MBP: variants seen among roughly 807,000 people sequenced by gnomAD.
The protein encoded by MBP is myelin basic protein.
MBP carries 16 observed loss-of-function variants against 35.8 expected under a neutral mutation model. That is an observed-to-expected ratio of 0.45 (90% CI 0.30 to 0.68). The LOEUF (loss-of-function observed/expected upper bound fraction) is 0.68. MBP is among the 30% of genes least tolerant of loss of function. The probability of loss-of-function intolerance (pLI) is 0.08; values close to 1 mark genes in which losing one functional copy is unlikely to be tolerated. For missense variants in MBP, 380 were observed against 404.7 expected, an observed-to-expected ratio of 0.94 and a Z score of 0.52; for synonymous variants, 143 against 159.6, an observed-to-expected ratio of 0.90 and a Z score of 0.78.
At chr18:77,093,986 T>C (rs1975649930) in intron 2 of MBP, among the ~76,000 whole-genome samples, 1 of 148,666 alleles carries the variant, frequency 6.7e-6, no homozygotes, top group South Asian at 2.1e-4. Flanking sequence ...TTCTTCTTTT[T>C]TTTTTTTTGA....
At chr18:77,106,631 A>T (rs1976287665) in intron 1 of MBP, among the ~76,000 whole-genome samples, 1 of 152,206 alleles carries the variant, frequency 6.6e-6, no homozygotes, top group African/African-American at 2.4e-5. Context: ...CAAGCAACTT[A>T]GGTCAAAGTG....
chr18:77,008,285 A>G (rs1403450041), intron 4 of MBP, among the ~76,000 whole-genome samples: 2 of 152,030 alleles, frequency 1.3e-5, no homozygotes, highest in Admixed American at 6.5e-5. Flanking sequence ...GGGCTGGTGC[A>G]TGCAGCCCCA....
At chr18:77,085,459 G>C (rs756357296) in intron 2 of MBP, among the ~76,000 whole-genome samples, 63 of 152,292 alleles carry the variant, frequency 4.1e-4, no homozygotes, top group Non-Finnish European at 7.1e-4. Context: ...CTATCTCACA[G>C]GGTCACTGTG....
At position 77,021,482 on chromosome 18, in the gene MBP, CTTT is replaced by C. The variant is rs140602815; in HGVS notation, c.140-4217_140-4215del. Among the ~76,000 whole-genome samples the C allele has an allele frequency of 1.0e-3, 123 of 122,088 alleles. No homozygotes were observed. The Middle Eastern group carries it at 0.019, about 18-fold the overall frequency. The allele number at this position is 122,088 out of a possible 152,430, so 80.1% of individuals were successfully genotyped here. ...TAAAACAATGCCTGTGAAGATGCAC[CTTT>C]TTTTTTTTTTTTTTTTGAGATGGAG... On this transcript the variant is annotated intron_variant, in intron 3 of 8. Coordinates refer to ENST00000355994, the MANE Select transcript of MBP (RefSeq NM_001025101.2).
At chr18:77,060,717 C>G (rs1303338394) in intron 3 of MBP, among the ~76,000 whole-genome samples, 1 of 152,168 alleles carries the variant, frequency 6.6e-6, no homozygotes, top group Non-Finnish European at 1.5e-5. Flanking sequence ...TCCCAAAGTG[C>G]TGGGATTATA....
At chr18:77,051,612 C>T (rs1437779241) in intron 3 of MBP, among the ~76,000 whole-genome samples, 1 of 152,194 alleles carries the variant, frequency 6.6e-6, no homozygotes, top group Non-Finnish European at 1.5e-5. Context: ...GAACTCTTAT[C>T]ACTAAGAAGA....
chr18:77,002,343 C>A (rs577764674), intron 4 of MBP, among the ~76,000 whole-genome samples: 7 of 152,344 alleles, frequency 4.6e-5, no homozygotes, highest in Non-Finnish European at 8.8e-5. Context: ...TCCATGATGT[C>A]ATTGCAGAAT....
At chr18:76,997,452 A>G (rs373523371) in intron 4 of MBP, among the ~76,000 whole-genome samples, 1 of 152,202 alleles carries the variant, frequency 6.6e-6, no homozygotes, top group South Asian at 2.1e-4. Flanking sequence ...CGGTTCTAGA[A>G]TTTTACTGAG....
At chr18:77,066,017 C>G in intron 3 of MBP, 1 of 351,280 alleles carries the variant, frequency 2.8e-6, no homozygotes, top group Middle Eastern at 8.1e-4. Flanking sequence ...GCCACCACAC[C>G]TGGCTAATTT....
At chr18:77,081,781 C>CACGCATATATATATGCACACACAT (rs1568329853) in intron 2 of MBP, among the ~76,000 whole-genome samples, 3 of 50,662 alleles carry the variant, frequency 5.9e-5, no homozygotes, top group African/African-American at 1.7e-4. Flanking sequence ...CACACACACA[C>CACGCATATATATATGCACACACAT]ACACACACAC....
chr18:77,033,269 A>G (rs993657285), intron 3 of MBP, among the ~76,000 whole-genome samples: 1 of 152,134 alleles, frequency 6.6e-6, no homozygotes, highest in African/African-American at 2.4e-5. Context: ...CACCCAGCCA[A>G]ACATGGCTGA....
In MBP at chr18:76,988,716, G is replaced by T; in HGVS notation, c.717+161C>A. On this transcript the variant is annotated intron_variant, in intron 6 of 8. Coordinates refer to ENST00000355994, the MANE Select transcript of MBP (RefSeq NM_001025101.2). The surrounding 1 kb of genome is among the most constrained non-coding windows in gnomAD (Gnocchi z 5.2). ...CAGGTGCGGGAGGGACAGGAGGGGT[G>T]CATGGATCTGCCGACCTGTTCTACT... 7.6e-7 allele frequency: 1 copy of T among 1,315,720 alleles called. No homozygotes were observed. Among genetic ancestry groups the T allele is most frequent in the Non-Finnish European group, 1.0e-6 (1 of 953,040 alleles). The allele number at this position is 1,315,720 out of a possible 1,614,324, so 81.5% of individuals were successfully genotyped here.
rs543800509 is a variant in MBP at position 77,038,651 on chromosome 18, G to A, written c.140-21383C>T. Among the ~76,000 whole-genome samples, 8 of 152,250 alleles carry A rather than the reference G, an allele frequency of 5.3e-5. No homozygotes were observed. In the South Asian group the frequency reaches 1.7e-3, roughly 32 times the overall value. On this transcript the variant is annotated intron_variant, in intron 3 of 8. Coordinates refer to ENST00000355994, the MANE Select transcript of MBP (RefSeq NM_001025101.2). ...GGCATCAAGTACTTGCTATGTATGG[G>A]TGCATATATGCATATGCATGTCTGT...
intron 3 of MBP, among the ~76,000 whole-genome samples, chr18:77,029,334 G>C (rs368966353): frequency 6.7e-6 from 1 of 148,490 alleles, no homozygotes; most frequent in Admixed American, 6.7e-5. Context: ...TCAGGCAGGG[G>C]GGTTGCAGTG....
At chr18:77,065,055 T>C (rs1324627820) in intron 3 of MBP, among the ~76,000 whole-genome samples, 1 of 152,140 alleles carries the variant, frequency 6.6e-6, no homozygotes, top group East Asian at 1.9e-4. Context: ...TCCAACCTCA[T>C]TAATGTAAAC....
intron 3 of MBP, among the ~76,000 whole-genome samples, chr18:77,063,367 G>A (rs1274549759): frequency 6.6e-6 from 1 of 152,146 alleles, no homozygotes; most frequent in Non-Finnish European, 1.5e-5. Flanking sequence ...TAAATAATGC[G>A]TGCAGAGGCC....
chr18:77,014,811 T>C (rs1267019528), intron 4 of MBP: 8 of 985,280 alleles, frequency 8.1e-6, no homozygotes, highest in Non-Finnish European at 8.4e-6. Flanking sequence ...ATTATTATTA[T>C]TTTTTGCCTT....
intron 2 of MBP, among the ~76,000 whole-genome samples, chr18:77,083,017 C>T (rs1975033036): frequency 6.6e-6 from 1 of 151,768 alleles, no homozygotes; most frequent in South Asian, 2.1e-4. Flanking sequence ...TTCCGTCACC[C>T]AGGCTAGAGT....
chr18:77,133,091 C>T (rs1977340632), upstream of MBP, among the ~76,000 whole-genome samples: 1 of 152,084 alleles, frequency 6.6e-6, no homozygotes, highest in South Asian at 2.1e-4. Flanking sequence ...GCCTCCGAAC[C>T]CACCCCGACC....
Sources: gnomAD v4.1 joint callset for allele counts (sites outside exome capture counted in the v4.1 genomes callset) on GRCh38, gnomAD v4.1.1 for gene constraint, Gnocchi (gnomAD v3.1) non-coding constraint, MANE v1.5 for transcripts, NCBI Gene and HGNC (gene_info 2026-07-23, HGNC 2026-07-21) for gene names.